The following EML1 variants were observed in gnomAD, a reference collection of about 807,000 sequenced individuals.
The protein encoded by EML1 is EMAP like 1, also known as echinoderm microtubule-associated protein-like 1.
In EML1, 27 loss-of-function variants were observed where a neutral mutation model predicts 110.4. The ratio of observed to expected loss-of-function variants is 0.24; its 90% CI spans 0.18 to 0.34. The LOEUF (loss-of-function observed/expected upper bound fraction) is 0.34, where lower values mean the gene tolerates loss of function less well. EML1 is among the 10% of genes least tolerant of loss of function. EML1 has a pLI of 1.00. For synonymous variants in EML1, 344 were observed against 385.8 expected (o/e 0.89, Z 1.27); for missense variants, 741 against 1,030.9 (o/e 0.72, Z 3.85).
At chr14:99,846,307 G>C (rs1289434369) in intron 1 of EML1, among the ~76,000 whole-genome samples, 1 of 128,764 alleles carries the variant, frequency 7.8e-6, no homozygotes, top group African/African-American at 3.0e-5. Flanking sequence ...TTTTGAGACA[G>C]AGTCTTGCTC....
chr14:99,826,110 T>A (rs2058348655), intron 1 of EML1, among the ~76,000 whole-genome samples: 1 of 140,942 alleles, frequency 7.1e-6, no homozygotes, highest in Non-Finnish European at 1.5e-5. Flanking sequence ...CATTGATTTT[T>A]TTTTTTTTTT....
At chr14:99,762,339 T>C (rs1419571381) in intron 1 of EML1, among the ~76,000 whole-genome samples, 1 of 148,868 alleles carries the variant, frequency 6.7e-6, no homozygotes, top group Non-Finnish European at 1.5e-5. Flanking sequence ...AACCTATCTG[T>C]ATAACCAGCC....
chr14:99,892,957 T>C (rs10131519), intron 5 of EML1, among the ~76,000 whole-genome samples: 43,767 of 152,100 alleles, frequency 0.29, 7,716 homozygotes, highest in African/African-American at 0.48. Context: ...TTTTCAAGAA[T>C]GTCAATCGTT....
intron 8 of EML1, among the ~76,000 whole-genome samples, chr14:99,900,076 G>A (rs781410678): frequency 5.3e-5 from 8 of 151,654 alleles, no homozygotes; most frequent in Non-Finnish European, 1.0e-4. Context: ...AAAAATTAGC[G>A]TAAATAACCT....
At chr14:99,900,666 G>C (rs1215126294) in intron 8 of EML1, among the ~76,000 whole-genome samples, 1 of 152,110 alleles carries the variant, frequency 6.6e-6, no homozygotes, top group Non-Finnish European at 1.5e-5. Context: ...CAGTTCCCAT[G>C]GTACTATTGT....
At chr14:99,798,888 A>G (rs1209345032) in intron 1 of EML1, among the ~76,000 whole-genome samples, 1 of 152,036 alleles carries the variant, frequency 6.6e-6, no homozygotes, top group African/African-American at 2.4e-5. Flanking sequence ...AGATTACAAC[A>G]CCATTATAAT....
At chr14:99,923,123 T>G (rs1397554644) in intron 17 of EML1, among the ~76,000 whole-genome samples, 1 of 152,008 alleles carries the variant, frequency 6.6e-6, no homozygotes, top group Non-Finnish European at 1.5e-5. Flanking sequence ...TGTATTTTTG[T>G]TAGAGACAGG....
chr14:99,873,390 T>C (rs2059236678), intron 3 of EML1, among the ~76,000 whole-genome samples: 1 of 152,242 alleles, frequency 6.6e-6, no homozygotes, highest in African/African-American at 2.4e-5. Context: ...AAGCCAGTGC[T>C]GGGTACATAG....
chr14:99,746,662 T>C (rs2057112426), intron 1 of EML1, among the ~76,000 whole-genome samples: 1 of 152,080 alleles, frequency 6.6e-6, no homozygotes, highest in Admixed American at 6.5e-5. Flanking sequence ...CTCTACCCCA[T>C]GGGCAGAGCT....
intron 1 of EML1, among the ~76,000 whole-genome samples, chr14:99,785,695 G>A (rs886378491): frequency 2.0e-5 from 3 of 152,160 alleles, no homozygotes; most frequent in East Asian, 1.9e-4. Flanking sequence ...GAAAAGTGGC[G>A]CCTAAGAGCC....
At chr14:99,926,434 G>A (rs1348318373) in intron 17 of EML1, among the ~76,000 whole-genome samples, 1 of 151,380 alleles carries the variant, frequency 6.6e-6, no homozygotes, top group African/African-American at 2.4e-5. Flanking sequence ...ACAGGCTTAC[G>A]CCACCACACC....
chr14:99,890,409 G>A (rs573714753), intron 4 of EML1, among the ~76,000 whole-genome samples: 1 of 152,332 alleles, frequency 6.6e-6, no homozygotes, highest in South Asian at 2.1e-4. Context: ...CTCCCCAAAG[G>A]TGGTGTCATG....
intron 6 of EML1, among the ~76,000 whole-genome samples, chr14:99,896,678 T>C (rs1207457654): frequency 6.6e-6 from 1 of 152,178 alleles, no homozygotes; most frequent in Non-Finnish European, 1.5e-5. Flanking sequence ...ATTTTCAAGG[T>C]TTGGAAATAT....
chr14:99,765,459 GA>G (rs2057358361), intron 1 of EML1, among the ~76,000 whole-genome samples: 1 of 152,070 alleles, frequency 6.6e-6, no homozygotes, highest in African/African-American at 2.4e-5. Context: ...TACATCATGT[GA>G]GTGTAATCAT....
At position 99,850,036 on chromosome 14, in the gene EML1, T is replaced by A. The variant is rs2058768147; in HGVS notation, c.68-817T>A. The A allele has an allele frequency of 9.4e-6, 3 of 317,930 alleles. No individual in the cohort carries two copies. The Admixed American group carries it at 1.2e-4, about 13-fold the overall frequency. The allele number at this position is 317,930 out of a possible 1,614,324, so 19.7% of individuals were successfully genotyped here. A position where few individuals can be genotyped will look rare whatever the true frequency, so the allele number is the denominator to read the frequency against. ...CTTGACCTCTCGGGCCCCAAGAAAC[T>A]GCCCCACCTCAGCCTCCTGAGTAGC... On this transcript the variant is annotated intron_variant, in intron 1 of 21. Coordinates refer to ENST00000262233, the MANE Select transcript of EML1 (RefSeq NM_004434.3).
At chr14:99,894,517 C>CGG in intron 5 of EML1, 112 bp from the exon 6 acceptor site, 2 of 1,241,470 alleles carry the variant, frequency 1.6e-6, no homozygotes, top group South Asian at 5.2e-5. Flanking sequence ...ATTAGAATGA[C>CGG]AGAAGGGTAA....
chr14:99,830,080 A>C (rs1595352726), intron 1 of EML1, among the ~76,000 whole-genome samples: 1 of 152,208 alleles, frequency 6.6e-6, no homozygotes, highest in South Asian at 2.1e-4. Flanking sequence ...ACTGTTTTCC[A>C]CAATGGCTGT....
intron 1 of EML1, among the ~76,000 whole-genome samples, chr14:99,830,632 C>A (rs2058434281): frequency 6.6e-6 from 1 of 151,988 alleles, no homozygotes; most frequent in Non-Finnish European, 1.5e-5. Flanking sequence ...CTCACTGCAA[C>A]CTCCACCTCC....
At chr14:99,808,585 T>C (rs74084766) in intron 1 of EML1, among the ~76,000 whole-genome samples, 2,416 of 152,280 alleles carry the variant, frequency 0.016, 62 homozygotes, top group African/African-American at 0.053. Flanking sequence ...TTGTTTATTT[T>C]TCTATTTTTG....
Sources: gnomAD v4.1 joint callset for allele counts (sites outside exome capture counted in the v4.1 genomes callset) on GRCh38, gnomAD v4.1.1 for gene constraint, MANE v1.5 for transcripts, NCBI Gene and HGNC (gene_info 2026-07-23, HGNC 2026-07-21) for gene names.